The following PCDHGA6 variants were observed in gnomAD, a reference collection of about 807,000 sequenced individuals.
PCDHGA6 encodes protocadherin gamma-A6.
PCDHGA6 carries 41 observed loss-of-function variants against 60.6 expected under a neutral mutation model. That is an observed-to-expected ratio of 0.68 (90% CI 0.53 to 0.88). The LOEUF (loss-of-function observed/expected upper bound fraction) is 0.88, where lower values mean the gene tolerates loss of function less well. PCDHGA6 is among the 40% of genes least tolerant of loss of function. The probability of loss-of-function intolerance (pLI) is 0.00; values close to 1 mark genes in which losing one functional copy is unlikely to be tolerated. For missense variants in PCDHGA6, 1,312 were observed against 1,203.0 expected, an observed-to-expected ratio of 1.09 and a Z score of -1.34; for synonymous variants, 594 against 524.4, an observed-to-expected ratio of 1.13 and a Z score of -1.81.
intron 1 of PCDHGA6, chr5:141,428,440 G>A (rs890993546): frequency 1.0e-5 from 4 of 393,892 alleles, no homozygotes; most frequent in African/African-American, 8.2e-5. Flanking sequence ...GACTAGACCA[G>A]GGGTTTTTCC....
chr5:141,409,844 C>G (rs1380163040), intron 1 of PCDHGA6: 3 of 1,611,858 alleles, frequency 1.9e-6, no homozygotes, highest in East Asian at 4.5e-5. Flanking sequence ...CAACGTGAGC[C>G]TGCGCGTGTT....
intron 1 of PCDHGA6, chr5:141,414,717 C>T: frequency 6.2e-7 from 1 of 1,614,152 alleles, no homozygotes; most frequent in Non-Finnish European, 8.5e-7. Flanking sequence ...TCAACTCAGA[C>T]ACTGGCGTCC....
intron 1 of PCDHGA6, chr5:141,403,981 T>C (rs374013287): frequency 1.4e-5 from 23 of 1,613,600 alleles, no homozygotes; most frequent in Admixed American, 1.2e-4. Flanking sequence ...TAAATGACAA[T>C]AGACCTGAAG....
chr5:141,431,736 G>T lies in PCDHGA6; in HGVS notation c.2424+55229G>T. On this transcript the variant is annotated intron_variant, in intron 1 of 3. Transcript: ENST00000517434. The surrounding 1 kb of genome is among the most constrained non-coding windows in gnomAD (Gnocchi z 4.8). ...GAAGTGCAAGCAATGGATAATGCAG[G>T]ATATTCTGCGCGAGCCAAAGTCCTG... 1 of 1,614,218 alleles carries T rather than the reference G, an allele frequency of 6.2e-7. No individual in the cohort carries two copies. The highest frequency in any genetic ancestry group is 8.5e-7 in the Non-Finnish European group (1 of 1,180,046).
chr5:141,432,435 C>T lies in PCDHGA6; in HGVS notation c.2424+55928C>T. 1 of 1,614,212 alleles carries T rather than the reference C, an allele frequency of 6.2e-7. No homozygotes were observed. Among genetic ancestry groups the T allele is most frequent in the Non-Finnish European group, 8.5e-7 (1 of 1,180,038 alleles). The stretch of plus-strand genomic sequence containing the variant: ...TTCGTGCTGGACCAGAACGACAATG[C>T]GCCCGAGATCCTGTACCCCGCCCTC... On this transcript the variant is annotated intron_variant, in intron 1 of 3. Transcript: ENST00000517434. This position sits in a 1 kb window ranked among gnomAD's most constrained non-coding sequence, Gnocchi z 6.0.
At chr5:141,451,018 C>T (rs1307161489) in intron 1 of PCDHGA6, among the ~76,000 whole-genome samples, 7 of 151,264 alleles carry the variant, frequency 4.6e-5, no homozygotes, top group African/African-American at 1.5e-4. Flanking sequence ...TTAGTAGAGA[C>T]GAGGTTTCAC....
chr5:141,408,448 G>A, intron 1 of PCDHGA6: 4 of 1,614,054 alleles, frequency 2.5e-6, no homozygotes, highest in Non-Finnish European at 2.5e-6. Context: ...CGGAGAGCGG[G>A]GACTTACTTG....
At position 141,431,376 on chromosome 5, in the gene PCDHGA6, C is replaced by T. The variant is rs558222633; in HGVS notation, c.2424+54869C>T. The T allele has an allele frequency of 1.2e-6, 2 of 1,613,436 alleles. No homozygotes were observed. Among genetic ancestry groups the T allele is most frequent in the African/African-American group, 2.7e-5 (2 of 75,070 alleles). On this transcript the variant is annotated intron_variant, in intron 1 of 3. Coordinates refer to ENST00000517434, the MANE Select transcript of PCDHGA6 (RefSeq NM_018919.3). The surrounding 1 kb of genome is among the most constrained non-coding windows in gnomAD (Gnocchi z 4.8). Reference sequence around the variant, plus strand: ...CGCGCCCTGGACCGCGAAGAAAAGGCTGCTCACCACCTGGTCCTTACGGCC... The same window carrying T: ...CGCGCCCTGGACCGCGAAGAAAAGGTTGCTCACCACCTGGTCCTTACGGCC...
In PCDHGA6 at chr5:141,485,068, T is replaced by C; in HGVS notation, c.2425-9739T>C. On this transcript the variant is annotated intron_variant, in intron 1 of 3. Transcript: ENST00000517434. The surrounding 1 kb of genome is among the most constrained non-coding windows in gnomAD (Gnocchi z 5.7). ...GGCGCCGGCCGAACCGCGCCAGAGCTGGCGCGGGGAAAGGGAGATAGGTGT... is the reference window on the plus strand; with the variant it reads ...GGCGCCGGCCGAACCGCGCCAGAGCCGGCGCGGGGAAAGGGAGATAGGTGT... 1 of 896,972 alleles carries C rather than the reference T, an allele frequency of 1.1e-6. No homozygotes were observed. The highest frequency in any genetic ancestry group is 1.6e-5 in the South Asian group (1 of 61,812). The allele number at this position is 896,972 out of a possible 1,614,324, so 55.6% of individuals were successfully genotyped here. A position where few individuals can be genotyped will look rare whatever the true frequency, so the allele number is the denominator to read the frequency against.
chr5:141,423,864 G>T, intron 1 of PCDHGA6: 4 of 1,284,224 alleles, frequency 3.1e-6, no homozygotes, highest in Non-Finnish European at 3.9e-6. Flanking sequence ...TTTTGTGAAA[G>T]TCATTTTTCA....
chr5:141,395,129 G>C (rs2093179899), intron 1 of PCDHGA6: 1 of 1,614,182 alleles, frequency 6.2e-7, no homozygotes, highest in African/African-American at 1.3e-5. Context: ...TCTTTCCCCA[G>C]CCCAACTACG....
chr5:141,417,632 C>T (rs1395400349), intron 1 of PCDHGA6: 3 of 714,288 alleles, frequency 4.2e-6, no homozygotes, highest in Non-Finnish European at 6.5e-6. Context: ...GCGCTGACGC[C>T]GGGGATCCCT....
Position 141,491,507 on chromosome 5 carries a change from C to G in PCDHGA6, c.2425-3300C>G, listed in dbSNP as rs755899622. The stretch of plus-strand genomic sequence containing the variant: ...AACCTGCAGGTGAGCTCGGACGGCA[C>G]GCTCAAGTACATGGAGGTGACGCTG... On this transcript the variant is annotated intron_variant, in intron 1 of 3. Coordinates refer to ENST00000517434, the MANE Select transcript of PCDHGA6 (RefSeq NM_018919.3). This position sits in a 1 kb window ranked among gnomAD's most constrained non-coding sequence, Gnocchi z 6.9. 1.5e-5 allele frequency: 24 copies of G among 1,614,038 alleles called. No individual in the cohort carries two copies. The highest frequency in any genetic ancestry group is 2.0e-5 in the Non-Finnish European group (24 of 1,180,016).
At chr5:141,385,079 C>A in intron 1 of PCDHGA6, 1 of 1,614,226 alleles carries the variant, frequency 6.2e-7, no homozygotes, top group Non-Finnish European at 8.5e-7. Context: ...CTGCTGCAGG[C>A]TTCAGAAGGT....
chr5:141,375,739 G>T lies in PCDHGA6; in HGVS notation c.1656G>T (p.Val552=), dbSNP rs760131359. ...LSSNVSLSLF[V]LDQNDNAPEI... ...GCAACGTGTCACTGAGCCTGTTTGT[G>T]CTGGACCAGAATGACAATGCGCCCG... Residue 552 remains valine (V), a synonymous_variant, in exon 1 of 4, where the codon GTG becomes GTT. Transcript: ENST00000517434. 5.6e-6 allele frequency: 9 copies of T among 1,614,126 alleles called. No individual in the cohort carries two copies. Among genetic ancestry groups the T allele is most frequent in the East Asian group, 4.5e-5 (2 of 44,894 alleles).
rs540507159 is a variant in PCDHGA6 at position 141,422,671 on chromosome 5, A to G, written c.2424+46164A>G. On this transcript the variant is annotated intron_variant, in intron 1 of 3. Coordinates refer to ENST00000517434, the MANE Select transcript of PCDHGA6 (RefSeq NM_018919.3). The stretch of plus-strand genomic sequence containing the variant: ...CTCAGTGACCGCCCTCGACCCGGAC[A>G]GCAAACAGAATGCCCTGGTCACTTA... 4 of 1,607,248 alleles carry G rather than the reference A, an allele frequency of 2.5e-6. No homozygotes were observed. The Admixed American group carries it at 5.0e-5, about 20-fold the overall frequency.
chr5:141,415,177 G>C, intron 1 of PCDHGA6: 3 of 1,613,926 alleles, frequency 1.9e-6, no homozygotes, highest in Non-Finnish European at 2.5e-6. Context: ...CACCGTGGCC[G>C]TGGCCGACAG....
At chr5:141,504,450 T>C (rs931613781) in intron 2 of PCDHGA6, among the ~76,000 whole-genome samples, 1 of 151,918 alleles carries the variant, frequency 6.6e-6, no homozygotes, top group Non-Finnish European at 1.5e-5. Context: ...ACTAGTGCCA[T>C]GTGGGGCAGC....
rs1297213443 is a variant in PCDHGA6 at position 141,384,466 on chromosome 5, G to A, written c.2424+7959G>A. Reference sequence around the variant, plus strand: ...GTACGCGCTGCAATCCTTTGATTATGAGCAGTTGAGAGAACTACAACTAAG... The same window carrying A: ...GTACGCGCTGCAATCCTTTGATTATAAGCAGTTGAGAGAACTACAACTAAG... On this transcript the variant is annotated intron_variant, in intron 1 of 3. Coordinates refer to ENST00000517434, the MANE Select transcript of PCDHGA6 (RefSeq NM_018919.3). 3 of 1,613,996 alleles carry A rather than the reference G, an allele frequency of 1.9e-6. No individual in the cohort carries two copies. The African/African-American group carries it at 4.0e-5, about 22-fold the overall frequency.
Sources: allele counts gnomAD v4.1 joint callset (sites outside exome capture counted in the v4.1 genomes callset), GRCh38; gene constraint gnomAD v4.1.1; non-coding constraint Gnocchi (gnomAD v3.1); transcripts MANE v1.5; gene names NCBI Gene and HGNC (gene_info 2026-07-23, HGNC 2026-07-21).